Variants in COBLL1 observed in about 807,000 individuals in gnomAD.
COBLL1 encodes cordon-bleu protein-like 1.
COBLL1 carries 50 observed loss-of-function variants against 94.8 expected under a neutral mutation model. The observed-to-expected ratio is 0.53, with a 90% confidence interval of 0.42 to 0.67. The LOEUF (loss-of-function observed/expected upper bound fraction) is 0.67, where lower values mean the gene tolerates loss of function less well. COBLL1 is among the 30% of genes least tolerant of loss of function. COBLL1 has a pLI of 0.00. For missense variants in COBLL1, 1,362 were observed against 1,348.7 expected, an observed-to-expected ratio of 1.01 and a Z score of -0.15; for synonymous variants, 448 against 473.8, an observed-to-expected ratio of 0.95 and a Z score of 0.71.
chr2:164,672,087 T>C (rs892051425), intron 1 of COBLL1, among the ~76,000 whole-genome samples: 14 of 152,232 alleles, frequency 9.2e-5, no homozygotes, highest in Admixed American at 2.0e-4. Context: ...ACAAATATAG[T>C]TGATTCTTTT....
At chr2:164,795,565 A>G (rs1371002572) in intron 2 of COBLL1, among the ~76,000 whole-genome samples, 1 of 152,106 alleles carries the variant, frequency 6.6e-6, no homozygotes, top group Non-Finnish European at 1.5e-5. Flanking sequence ...CCAGGATCGT[A>G]AGCTATGTCT....
At chr2:164,728,965 C>G (rs1487590005) in intron 4 of COBLL1, among the ~76,000 whole-genome samples, 1 of 151,828 alleles carries the variant, frequency 6.6e-6, no homozygotes, top group Non-Finnish European at 1.5e-5. Context: ...TCCTTAAAGA[C>G]CTTTATTCAC....
chr2:164,833,465 T>C (rs76785157), intron 2 of COBLL1, among the ~76,000 whole-genome samples: 96 of 150,470 alleles, frequency 6.4e-4, no homozygotes, highest in Middle Eastern at 3.4e-3. Flanking sequence ...TTTTTTTTTT[T>C]CCTGAGACGG....
chr2:164,712,256 A>C (rs1684935198), intron 7 of COBLL1, among the ~76,000 whole-genome samples: 1 of 152,176 alleles, frequency 6.6e-6, no homozygotes, highest in African/African-American at 2.4e-5. Context: ...AAATGAAAGA[A>C]TACATATGGA....
At chr2:164,666,262 G>T (rs887454963) in intron 1 of COBLL1, among the ~76,000 whole-genome samples, 5 of 152,062 alleles carry the variant, frequency 3.3e-5, no homozygotes, top group Non-Finnish European at 7.4e-5. Flanking sequence ...TTTTTTGGTT[G>T]CCCAGTACAT....
At chr2:164,729,455 ATTAATAGT>A (rs1239986547) in intron 4 of COBLL1, among the ~76,000 whole-genome samples, 3 of 151,898 alleles carry the variant, frequency 2.0e-5, no homozygotes, top group Non-Finnish European at 4.4e-5. Flanking sequence ...TGTGGCACAC[ATTAATAGT>A]TTAGATGTTA....
At chr2:164,740,290 G>A (rs1182097062) in intron 3 of COBLL1, among the ~76,000 whole-genome samples, 1 of 152,108 alleles carries the variant, frequency 6.6e-6, no homozygotes, top group African/African-American at 2.4e-5. Flanking sequence ...TTGAGTCTGG[G>A]AGGCAGAAGC....
At chr2:164,835,221 T>G (rs554351267) in intron 2 of COBLL1, among the ~76,000 whole-genome samples, 157 of 152,328 alleles carry the variant, frequency 1.0e-3, no homozygotes, top group Non-Finnish European at 1.7e-3. Flanking sequence ...TACACCCATG[T>G]TCATAGCAAC....
At chr2:164,752,122 A>T (rs1687156298) in intron 2 of COBLL1, among the ~76,000 whole-genome samples, 1 of 152,188 alleles carries the variant, frequency 6.6e-6, no homozygotes, top group Non-Finnish European at 1.5e-5. Context: ...CAAACAGAAC[A>T]CAAGAAAAAG....
At chr2:164,678,915 A>C (rs1682917664), downstream of COBLL1, among the ~76,000 whole-genome samples, 2 of 152,162 alleles carry the variant, frequency 1.3e-5, no homozygotes, top group Admixed American at 1.3e-4. Context: ...ACGCATGTTC[A>C]TCAAATAAAG....
At chr2:164,820,279 G>A (rs71426735) in intron 2 of COBLL1, among the ~76,000 whole-genome samples, 1 of 152,146 alleles carries the variant, frequency 6.6e-6, no homozygotes, top group African/African-American at 2.4e-5. Flanking sequence ...GTATGCAGTA[G>A]AAGAATAACA....
At chr2:164,675,344 G>A (rs1691318466), downstream of COBLL1, among the ~76,000 whole-genome samples, 2 of 152,102 alleles carry the variant, frequency 1.3e-5, no homozygotes, top group African/African-American at 4.8e-5. Flanking sequence ...AGCTGATTTG[G>A]ATAATCTGAA....
At chr2:164,786,775 C>T (rs1688982063) in intron 2 of COBLL1, among the ~76,000 whole-genome samples, 1 of 152,110 alleles carries the variant, frequency 6.6e-6, no homozygotes, top group Non-Finnish European at 1.5e-5. Context: ...CTAATGATTT[C>T]CATTGTACTT....
chr2:164,805,336 T>TATTTATATAAATATATATA (rs1559033598), intron 2 of COBLL1, among the ~76,000 whole-genome samples: 1 of 60,336 alleles, frequency 1.7e-5, no homozygotes, highest in African/African-American at 6.4e-5. Flanking sequence ...TCTCTCTCTC[T>TATTTATATAAATATATATA]CTATATATAT....
Position 164,681,837 on chromosome 2 carries a change from T to C in COBLL1, c.*4109A>G, listed in dbSNP as rs1683056881. 1 of 152,236 alleles carries C rather than the reference T, an allele frequency of 6.6e-6. No homozygotes were observed. Among genetic ancestry groups the C allele is most frequent in the African/African-American group, 2.4e-5 (1 of 41,474 alleles). 9.4% of individuals were successfully genotyped at this position (152,236 alleles called of 1,614,324 possible). On this transcript the variant is annotated 3_prime_UTR_variant, in exon 14 of 14. Transcript: ENST00000652658. ...CAGATCTCTACAAATTACCAGAATG[T>C]TCCACAACTCTTCTCAAAATACCTG...
intron 9 of COBLL1, 147 bp from the exon 10 acceptor site, chr2:164,700,903 G>A (rs1265687704): frequency 3.3e-6 from 2 of 609,786 alleles, no homozygotes; most frequent in Non-Finnish European, 5.7e-6. Flanking sequence ...TCTTTCTCCT[G>A]GTGAGCAGTC....
In COBLL1 at chr2:164,775,511, G is replaced by A. The variant is rs56085704; in HGVS notation, c.42-31636C>T. On this transcript the variant is annotated intron_variant, in intron 2 of 13. Coordinates refer to ENST00000652658, the MANE Select transcript of COBLL1 (RefSeq NM_001365672.2). ...GGAGTCTCACTCTGTCACCCAGGCT[G>A]GAGTGCAGTGGTGTGACTTTGGCTC... is the stretch of plus-strand genomic sequence containing the variant. 2.4e-3 allele frequency among the ~76,000 whole-genome samples: 361 copies of A among 152,244 alleles called. 2 individuals carry two copies. The highest frequency in any genetic ancestry group is 8.2e-3 in the African/African-American group (341 of 41,548).
intron 5 of COBLL1, among the ~76,000 whole-genome samples, chr2:164,726,810 C>A (rs531418804): frequency 1.3e-5 from 2 of 152,104 alleles, no homozygotes; most frequent in Admixed American, 1.3e-4. Flanking sequence ...CATTTGTACC[C>A]AGTAAAGATC....
intron 2 of COBLL1, among the ~76,000 whole-genome samples, chr2:164,790,716 T>C (rs1470830749): frequency 6.6e-6 from 1 of 152,170 alleles, no homozygotes; most frequent in Non-Finnish European, 1.5e-5. Context: ...TACACACTGG[T>C]ATTTCACACT....
Sources: allele counts gnomAD v4.1 joint callset (sites outside exome capture counted in the v4.1 genomes callset), GRCh38; gene constraint gnomAD v4.1.1; transcripts MANE v1.5; gene names NCBI Gene and HGNC (gene_info 2026-07-23, HGNC 2026-07-21).